The following TMEM74 variants were observed in gnomAD, a reference collection of about 807,000 sequenced individuals.
TMEM74 encodes the protein transmembrane protein 74.
In TMEM74, 13 loss-of-function variants were observed where a neutral mutation model predicts 18.1. The ratio of observed to expected loss-of-function variants is 0.72; its 90% confidence interval spans 0.47 to 1.14. The LOEUF is 1.14. TMEM74 is among the 50% of genes most tolerant of loss of function. The probability of loss-of-function intolerance (pLI) is 0.00; values close to 1 mark genes in which losing one functional copy is unlikely to be tolerated. For synonymous variants in TMEM74, 159 were observed against 146.6 expected, an observed-to-expected ratio of 1.08 and a Z score of -0.61; for missense variants, 372 against 375.9, an observed-to-expected ratio of 0.99 and a Z score of 0.09.
rs540144080 is a variant in TMEM74 at position 108,635,080 on chromosome 8, C to T, written n.264+20213G>A. Among the ~76,000 whole-genome samples, 119 of 152,076 alleles carry T rather than the reference C, an allele frequency of 7.8e-4. 4 individuals are homozygous for T. In the South Asian group the frequency reaches 0.024, roughly 31 times the overall value. On this transcript the variant is annotated intron_variant and non_coding_transcript_variant, in intron 2 of 3. Transcript: ENST00000518838. ...GCCACAATTTCAAATGTATCATGGT[C>T]AAATCAAGTTCTCTGCCTTCCCTAC...
intron 1 of TMEM74, among the ~76,000 whole-genome samples, chr8:108,689,679 G>T (rs753223495): frequency 6.6e-6 from 1 of 152,132 alleles, no homozygotes; most frequent in Non-Finnish European, 1.5e-5. Context: ...CCAGTTTATT[G>T]AAAAATCAAT....
chr8:108,689,726 A>G (rs1343945408), intron 1 of TMEM74, among the ~76,000 whole-genome samples: 1 of 152,148 alleles, frequency 6.6e-6, no homozygotes, highest in African/African-American at 2.4e-5. Flanking sequence ...GCTTTCTTCC[A>G]GGCTGATGAT....
chr8:108,761,678 T>C (rs1469733932), intron 1 of TMEM74, among the ~76,000 whole-genome samples: 1 of 152,138 alleles, frequency 6.6e-6, no homozygotes. Context: ...TCTGTCCAAA[T>C]AAAATGCAGC....
chr8:108,737,767 G>C (rs1299107250), intron 1 of TMEM74, among the ~76,000 whole-genome samples: 1 of 152,082 alleles, frequency 6.6e-6, no homozygotes, highest in Non-Finnish European at 1.5e-5. Context: ...GTTTTGAATA[G>C]CATTTACTCA....
At chr8:108,756,996 T>C (rs1813983047) in intron 1 of TMEM74, among the ~76,000 whole-genome samples, 1 of 152,122 alleles carries the variant, frequency 6.6e-6, no homozygotes, top group Non-Finnish European at 1.5e-5. Flanking sequence ...TGATTATTTT[T>C]CTCAATAGAC....
intron 2 of TMEM74, among the ~76,000 whole-genome samples, chr8:108,650,702 T>TTTTATTTATTTA (rs71564014): frequency 0.17 from 25,375 of 150,944 alleles, 2,239 homozygotes; most frequent in East Asian, 0.26. Flanking sequence ...GAGGCATTCT[T>TTTTATTTATTTA]TTTATTTATT....
intron 1 of TMEM74, among the ~76,000 whole-genome samples, chr8:108,682,027 G>A (rs954349982): frequency 6.6e-6 from 1 of 152,020 alleles, no homozygotes; most frequent in African/African-American, 2.4e-5. Context: ...CTGCCCTAAA[G>A]GCAGATTTTT....
At chr8:108,765,994 G>A (rs548634976) in intron 1 of TMEM74, among the ~76,000 whole-genome samples, 331 of 151,916 alleles carry the variant, frequency 2.2e-3, no homozygotes, top group African/African-American at 7.5e-3. Context: ...AAAGTATATC[G>A]GCAGATTATT....
At chr8:108,612,891 T>C (rs1812347134) in intron 2 of TMEM74, among the ~76,000 whole-genome samples, 1 of 152,192 alleles carries the variant, frequency 6.6e-6, no homozygotes, top group Non-Finnish European at 1.5e-5. Context: ...TTATGCCTCA[T>C]TGGCATTAAA....
chr8:108,652,737 T>C, intron 2 of TMEM74: 2 of 520,296 alleles, frequency 3.8e-6, no homozygotes, highest in Non-Finnish European at 3.6e-6. Context: ...AGAGATTCTT[T>C]TGGAAGACAA....
chr8:108,668,909 A>C (rs1052451423), intron 1 of TMEM74, among the ~76,000 whole-genome samples: 3 of 151,332 alleles, frequency 2.0e-5, no homozygotes, highest in Admixed American at 6.6e-5. Flanking sequence ...GCTTATTCAG[A>C]TAATCGGTCA....
At chr8:108,715,913 G>T (rs1813518855) in intron 1 of TMEM74, among the ~76,000 whole-genome samples, 1 of 151,980 alleles carries the variant, frequency 6.6e-6, no homozygotes. Flanking sequence ...AGAATTTGAA[G>T]TGAAAGATAT....
chr8:108,618,029 A>C (rs903324709), intron 2 of TMEM74, among the ~76,000 whole-genome samples: 47 of 152,130 alleles, frequency 3.1e-4, no homozygotes, highest in Non-Finnish European at 8.8e-5. Flanking sequence ...ATGAAGAAGA[A>C]ACTGCATCCC....
intron 1 of TMEM74, among the ~76,000 whole-genome samples, chr8:108,717,929 T>C (rs1009266070): frequency 2.0e-5 from 3 of 148,516 alleles, no homozygotes; most frequent in Non-Finnish European, 3.0e-5. Context: ...TCTAGTGATA[T>C]GATCTGACTT....
intron 1 of TMEM74, among the ~76,000 whole-genome samples, chr8:108,753,619 C>T (rs541184628): frequency 6.6e-5 from 10 of 152,174 alleles, no homozygotes; most frequent in African/African-American, 1.9e-4. Flanking sequence ...TACTAAAGAT[C>T]CAGTTTGCCT....
At chr8:108,656,914 A>T (rs1586249564) in intron 1 of TMEM74, among the ~76,000 whole-genome samples, 1 of 152,182 alleles carries the variant, frequency 6.6e-6, no homozygotes, top group East Asian at 1.9e-4. Flanking sequence ...GAAAACTTCC[A>T]AATTCTGGTA....
intron 1 of TMEM74, among the ~76,000 whole-genome samples, chr8:108,664,743 C>T (rs1455710661): frequency 6.6e-6 from 1 of 151,996 alleles, no homozygotes; most frequent in Non-Finnish European, 1.5e-5. Flanking sequence ...ATATTATTGT[C>T]CCCATATAAC....
At chr8:108,692,168 T>C (rs1465812072) in intron 1 of TMEM74, among the ~76,000 whole-genome samples, 1 of 152,134 alleles carries the variant, frequency 6.6e-6, no homozygotes, top group African/African-American at 2.4e-5. Context: ...ATGTAAAGAG[T>C]TGCATGAAGT....
At chr8:108,761,405 C>G (rs543778469) in intron 1 of TMEM74, among the ~76,000 whole-genome samples, 17 of 152,136 alleles carry the variant, frequency 1.1e-4, no homozygotes, top group African/African-American at 4.1e-4. Flanking sequence ...TACATGTAAA[C>G]TTTTATTAAT....
Sources: gnomAD v4.1 joint callset for allele counts (sites outside exome capture counted in the v4.1 genomes callset) on GRCh38, gnomAD v4.1.1 for gene constraint, MANE v1.5 for transcripts, NCBI Gene and HGNC (gene_info 2026-07-23, HGNC 2026-07-21) for gene names.